The following RAB27B variants were observed in gnomAD, a reference collection of about 807,000 sequenced individuals.
RAB27B encodes ras-related protein Rab-27B.
RAB27B carries 15 observed loss-of-function variants against 24.6 expected under a neutral mutation model. The observed-to-expected ratio is 0.61, with a 90% CI of 0.41 to 0.94. The LOEUF is 0.94. Ranked by LOEUF, RAB27B falls within the 40% of genes least tolerant of loss-of-function variation. The pLI, the probability that RAB27B is intolerant of heterozygous loss-of-function variation, is 0.00. For missense variants in RAB27B, 261 were observed against 266.8 expected (o/e 0.98, Z 0.15); for synonymous variants, 105 against 92.5 (o/e 1.14, Z -0.78).
chr18:54,855,894 A>G (rs1338541110), intron 1 of RAB27B, among the ~76,000 whole-genome samples: 2 of 152,196 alleles, frequency 1.3e-5, no homozygotes, highest in African/African-American at 4.8e-5. Flanking sequence ...GTTCTCCAAG[A>G]CCAGTCATCT....
At chr18:54,792,395 TA>T (rs376849639) in intron 2 of RAB27B, among the ~76,000 whole-genome samples, 16 of 152,004 alleles carry the variant, frequency 1.1e-4, no homozygotes, top group Non-Finnish European at 5.9e-5. Flanking sequence ...GATCCTATCT[TA>T]AAAAAAATCA....
chr18:54,808,868 G>A (rs1156616478), intron 2 of RAB27B, among the ~76,000 whole-genome samples: 1 of 152,178 alleles, frequency 6.6e-6, no homozygotes, highest in Non-Finnish European at 1.5e-5. Context: ...GCTAAAAAAT[G>A]AGAAGAACCT....
chr18:54,808,149 TAC>T (rs1413697466), intron 2 of RAB27B, among the ~76,000 whole-genome samples: 1 of 152,234 alleles, frequency 6.6e-6, no homozygotes, highest in African/African-American at 2.4e-5. Context: ...CTTAAGATTC[TAC>T]ATATTGTTTG....
intron 2 of RAB27B, among the ~76,000 whole-genome samples, chr18:54,790,914 C>T (rs531336043): frequency 6.6e-5 from 10 of 152,256 alleles, no homozygotes; most frequent in Admixed American, 3.9e-4. Context: ...CTATTTATCA[C>T]GCTAGATTCA....
chr18:54,776,874 G>A (rs180963790), intron 2 of RAB27B, among the ~76,000 whole-genome samples: 2 of 152,090 alleles, frequency 1.3e-5, no homozygotes, highest in South Asian at 2.1e-4. Context: ...GCGAAACACC[G>A]TCTCTACTAA....
intron 2 of RAB27B, among the ~76,000 whole-genome samples, chr18:54,789,149 C>T (rs554168252): frequency 6.6e-6 from 1 of 152,276 alleles, no homozygotes; most frequent in African/African-American, 2.4e-5. Flanking sequence ...CCATTACAGG[C>T]AGAGCTGTAA....
chr18:54,834,515 T>C (rs986761949), intron 1 of RAB27B, among the ~76,000 whole-genome samples: 1 of 152,194 alleles, frequency 6.6e-6, no homozygotes, highest in Non-Finnish European at 1.5e-5. Flanking sequence ...ACATAATTCT[T>C]GTTTGATGTT....
At chr18:54,809,302 G>A (rs966529050) in intron 2 of RAB27B, among the ~76,000 whole-genome samples, 1 of 152,116 alleles carries the variant, frequency 6.6e-6, no homozygotes, top group Admixed American at 6.5e-5. Context: ...TCAGTTTGTC[G>A]ATCTGGTTGC....
intron 1 of RAB27B, among the ~76,000 whole-genome samples, chr18:54,873,513 T>C (rs1245611773): frequency 6.6e-6 from 1 of 152,212 alleles, no homozygotes; most frequent in Non-Finnish European, 1.5e-5. Context: ...TGTCAGCCTT[T>C]TGATCCTTCC....
At chr18:54,872,524 C>T (rs940838431) in intron 1 of RAB27B, among the ~76,000 whole-genome samples, 1 of 150,534 alleles carries the variant, frequency 6.6e-6, no homozygotes, top group African/African-American at 2.5e-5. Context: ...ACTCAGGAGG[C>T]TGAGACAGGA....
chr18:54,811,304 C>T (rs1489806677), intron 2 of RAB27B, among the ~76,000 whole-genome samples: 1 of 152,084 alleles, frequency 6.6e-6, no homozygotes, highest in Admixed American at 6.6e-5. Context: ...ATGACATGTG[C>T]CAAAGATGGC....
rs778920751 is a variant in RAB27B at position 54,877,733 on chromosome 18, C to T, written c.148C>T (p.Arg50Cys). Residue 50 changes from arginine (R) to cysteine (C), a missense_variant, in exon 2 of 6, where the codon CGT becomes TGT. Physicochemically the swap from Arg to Cys is radical, Grantham distance 180. Coordinates refer to ENST00000262094, the MANE Select transcript of RAB27B (RefSeq NM_004163.4). ...AGTAGGAATAGACTTTCGGGAAAAA[C>T]GTGTGGTGAGTTTTTAATCGTACTT... is the stretch of plus-strand genomic sequence containing the variant. ...TTVGIDFREK[R>C]VVYNAQGPNG... 19 of 1,577,900 alleles carry T rather than the reference C, an allele frequency of 1.2e-5. No homozygotes were observed. The highest frequency in any genetic ancestry group is 2.4e-5 in the East Asian group (1 of 42,324).
chr18:54,728,923 A>AAAAAAAAAAAAAAAAAAG (rs1555651003), intron 2 of RAB27B, among the ~76,000 whole-genome samples: 1 of 144,580 alleles, frequency 6.9e-6, no homozygotes, highest in Non-Finnish European at 1.5e-5. Flanking sequence ...AAAAAAAAAA[A>AAAAAAAAAAAAAAAAAAG]CCACCACCAA....
chr18:54,841,164 G>GGGGGT (rs1555662113), intron 1 of RAB27B, among the ~76,000 whole-genome samples: 1 of 124,392 alleles, frequency 8.0e-6, no homozygotes, highest in Admixed American at 8.1e-5. Flanking sequence ...CGGGGCGGTG[G>GGGGGT]GGGGTTTGGT....
At chr18:54,846,806 A>T (rs767763961) in intron 1 of RAB27B, among the ~76,000 whole-genome samples, 9 of 152,212 alleles carry the variant, frequency 5.9e-5, no homozygotes. Context: ...TTCTCATTGT[A>T]GTTTTATAAA....
chr18:54,746,212 A>G (rs963040797), intron 2 of RAB27B, among the ~76,000 whole-genome samples: 3 of 152,196 alleles, frequency 2.0e-5, no homozygotes, highest in African/African-American at 4.8e-5. Context: ...AAACTTGAAG[A>G]TTACGCCAGT....
chr18:54,847,043 G>A (rs1911368460), intron 1 of RAB27B, among the ~76,000 whole-genome samples: 1 of 152,114 alleles, frequency 6.6e-6, no homozygotes, highest in African/African-American at 2.4e-5. Flanking sequence ...TAGAGACAGG[G>A]TTTCACTATG....
chr18:54,885,709 T>C (rs923956289), intron 4 of RAB27B, among the ~76,000 whole-genome samples: 1 of 152,146 alleles, frequency 6.6e-6, no homozygotes, highest in African/African-American at 2.4e-5. Context: ...ACTTGTTGTG[T>C]TAGTTCATTC....
At chr18:54,801,229 A>G (rs1388522209) in intron 2 of RAB27B, among the ~76,000 whole-genome samples, 4 of 151,770 alleles carry the variant, frequency 2.6e-5, no homozygotes, top group African/African-American at 9.7e-5. Flanking sequence ...TGGCCAGGCT[A>G]GTTGCAAACT....
Sources: gnomAD v4.1 joint callset for allele counts (sites outside exome capture counted in the v4.1 genomes callset) on GRCh38, gnomAD v4.1.1 for gene constraint, MANE v1.5 for transcripts, NCBI Gene and HGNC (gene_info 2026-07-23, HGNC 2026-07-21) for gene names.